Variants in SNX29 observed in about 807,000 individuals in gnomAD.
SNX29 encodes sorting nexin-29.
SNX29 carries 78 observed loss-of-function variants against 102.1 expected under a neutral mutation model. The ratio of observed to expected loss-of-function variants is 0.76; its 90% CI spans 0.64 to 0.92. The LOEUF (loss-of-function observed/expected upper bound fraction) is 0.92. Among genes scored for constraint, SNX29 ranks in the 40% least tolerant of loss-of-function variants. SNX29 has a pLI of 0.00. For synonymous variants in SNX29, 580 were observed against 414.5 expected (o/e 1.40, Z -4.85); for missense variants, 1,280 against 1,061.7 (o/e 1.21, Z -2.86).
At chr16:12,140,130 C>T (rs2054818825) in intron 13 of SNX29, among the ~76,000 whole-genome samples, 2 of 152,076 alleles carry the variant, frequency 1.3e-5, no homozygotes, top group Admixed American at 1.3e-4. Context: ...TAGCTTTTTG[C>T]TGGGCTGGAT....
intron 13 of SNX29, among the ~76,000 whole-genome samples, chr16:12,174,711 G>A (rs993571985): frequency 6.6e-6 from 1 of 152,216 alleles, no homozygotes; most frequent in African/African-American, 2.4e-5. Flanking sequence ...TGATAATGCT[G>A]TTGGTGCTTT....
At chr16:12,272,507 G>A (rs1286568880) in intron 14 of SNX29, among the ~76,000 whole-genome samples, 1 of 152,202 alleles carries the variant, frequency 6.6e-6, no homozygotes, top group Non-Finnish European at 1.5e-5. Flanking sequence ...CTGTGTCCTG[G>A]TTGCCCTGCC....
chr16:11,983,138 G>T (rs1035353224), intron 1 of SNX29, among the ~76,000 whole-genome samples: 2 of 151,608 alleles, frequency 1.3e-5, no homozygotes, highest in Non-Finnish European at 2.9e-5. Context: ...GCCATGTTGT[G>T]CAGGCTGATC....
At chr16:12,551,127 T>C (rs1358132286) in intron 20 of SNX29, among the ~76,000 whole-genome samples, 2 of 152,096 alleles carry the variant, frequency 1.3e-5, no homozygotes, top group African/African-American at 2.4e-5. Flanking sequence ...AATGGAACAG[T>C]GGTCCACAGC....
chr16:12,333,763 G>A (rs549455159), intron 15 of SNX29, among the ~76,000 whole-genome samples: 1 of 152,160 alleles, frequency 6.6e-6, no homozygotes, highest in Non-Finnish European at 1.5e-5. Context: ...CTCTCACAGA[G>A]CCTATGTCCT....
chr16:12,240,929 T>C (rs924427776), intron 14 of SNX29, among the ~76,000 whole-genome samples: 2 of 152,184 alleles, frequency 1.3e-5, no homozygotes, highest in African/African-American at 4.8e-5. Flanking sequence ...TTGTGGTAAA[T>C]CTTTTTCTTT....
intron 17 of SNX29, among the ~76,000 whole-genome samples, chr16:12,401,066 C>G (rs773599874): frequency 3.9e-5 from 6 of 152,098 alleles, no homozygotes; most frequent in African/African-American, 1.4e-4. Context: ...CTCCTGACCT[C>G]GTGATCCGCC....
intron 18 of SNX29, among the ~76,000 whole-genome samples, chr16:12,434,975 G>C (rs527947588): frequency 6.7e-6 from 1 of 149,992 alleles, no homozygotes; most frequent in African/African-American, 2.5e-5. Flanking sequence ...TATGGGGGGC[G>C]GTGGGGGGGG....
Position 12,570,190 on chromosome 16 carries a change from A to G in SNX29, c.*1561A>G. ...CACCCCAGAGAAACCGAGTCAGCCT[A>G]CATGACTTCCAAGGGGACCTGGGGC... On this transcript the variant is annotated 3_prime_UTR_variant, in exon 21 of 21. Transcript: ENST00000566228. 9.4e-7 allele frequency: 1 copy of G among 1,063,826 alleles called. No homozygotes were observed. Among genetic ancestry groups the G allele is most frequent in the Non-Finnish European group, 1.1e-6 (1 of 878,264 alleles). The allele number at this position is 1,063,826 out of a possible 1,614,324, so 65.9% of individuals were successfully genotyped here.
chr16:12,111,817 C>T (rs899214015), intron 11 of SNX29, among the ~76,000 whole-genome samples: 3 of 152,060 alleles, frequency 2.0e-5, no homozygotes, highest in Non-Finnish European at 2.9e-5. Context: ...CATGGGAGTA[C>T]GGAGAGGTGA....
intron 11 of SNX29, among the ~76,000 whole-genome samples, chr16:12,112,087 G>A (rs1435403679): frequency 6.6e-6 from 1 of 152,220 alleles, no homozygotes; most frequent in Non-Finnish European, 1.5e-5. Flanking sequence ...CTATGTGACT[G>A]CTGAACTCTG....
At chr16:12,158,454 C>T (rs2055647633) in intron 13 of SNX29, among the ~76,000 whole-genome samples, 2 of 152,212 alleles carry the variant, frequency 1.3e-5, no homozygotes, top group Non-Finnish European at 2.9e-5. Context: ...CCCACCTCGG[C>T]CTCCCAAAGT....
intron 13 of SNX29, among the ~76,000 whole-genome samples, chr16:12,184,524 C>T (rs1016307407): frequency 1.3e-5 from 2 of 152,220 alleles, no homozygotes; most frequent in African/African-American, 2.4e-5. Context: ...TTCCGATTTA[C>T]CTTGTAAATA....
At chr16:12,159,890 C>T (rs1281491023) in intron 13 of SNX29, among the ~76,000 whole-genome samples, 1 of 152,202 alleles carries the variant, frequency 6.6e-6, no homozygotes, top group African/African-American at 2.4e-5. Flanking sequence ...TCAATCACTG[C>T]ACTCTTTGTA....
rs971778575 is a variant in SNX29, at chr16:12,188,468, A to C, written c.1596-11133A>C. ...GAGTAGCTTATGTAAGTTTTGAGTG[A>C]GGGACTGACAAGTATGATTCCGGCT... is the stretch of plus-strand genomic sequence containing the variant. On this transcript the variant is annotated intron_variant, in intron 13 of 20. Coordinates refer to ENST00000566228, the MANE Select transcript of SNX29 (RefSeq NM_032167.5). Among the ~76,000 whole-genome samples, 3 of 152,304 alleles carry C rather than the reference A, an allele frequency of 2.0e-5. No homozygotes were observed. The East Asian group carries it at 5.8e-4, about 29-fold the overall frequency.
At chr16:12,478,909 C>T in intron 19 of SNX29, among the ~76,000 whole-genome samples, 1 of 152,178 alleles carries the variant, frequency 6.6e-6, no homozygotes, top group East Asian at 1.9e-4. Flanking sequence ...AAGAAGGAGA[C>T]AGGGGCACTT....
intron 18 of SNX29, among the ~76,000 whole-genome samples, chr16:12,424,202 A>G (rs2084970845): frequency 1.3e-5 from 2 of 152,214 alleles, no homozygotes; most frequent in Admixed American, 1.3e-4. Context: ...GTCGATCTCT[A>G]TCACGGGTAA....
intron 11 of SNX29, among the ~76,000 whole-genome samples, chr16:12,118,802 G>T (rs1313433982): frequency 6.6e-6 from 1 of 152,130 alleles, no homozygotes; most frequent in Non-Finnish European, 1.5e-5. Flanking sequence ...ACTGTCTGTG[G>T]TCTCTGATTT....
chr16:12,188,590 GGGCTGTTTCTCT>G (rs1395610808), intron 13 of SNX29, among the ~76,000 whole-genome samples: 2 of 152,160 alleles, frequency 1.3e-5, no homozygotes, highest in African/African-American at 2.4e-5. Flanking sequence ...CGAGTTGTTT[GGGCTGTTTCTCT>G]GGCTCTGGAT....
Sources: allele counts gnomAD v4.1 joint callset (sites outside exome capture counted in the v4.1 genomes callset), GRCh38; gene constraint gnomAD v4.1.1; transcripts MANE v1.5; gene names NCBI Gene and HGNC (gene_info 2026-07-23, HGNC 2026-07-21).